The following MPND variants were observed in gnomAD, a reference collection of about 807,000 sequenced individuals.
The protein encoded by MPND is MPN domain containing, also known as MPN domain-containing protein.
Under a neutral mutation model 59.2 loss-of-function variants are expected in MPND, and 56 were observed. That is an observed-to-expected ratio of 0.95 (90% CI 0.76 to 1.18). The LOEUF is 1.18. MPND is among the 50% of genes most tolerant of loss of function. The pLI is 0.00. For missense variants in MPND, 671 were observed against 676.0 expected (o/e 0.99, Z 0.08); for synonymous variants, 323 against 291.9 (o/e 1.11, Z -1.09).
intron 4 of MPND, 23 bp from the exon 5 acceptor site, chr19:4,354,022 G>C (rs753473004): frequency 1.4e-5 from 23 of 1,606,760 alleles, no homozygotes; most frequent in Non-Finnish European, 1.7e-5. Flanking sequence ...GGGAGGGACT[G>C]ACCCTGCCTT....
At chr19:4,356,985 T>C (rs1972451759) in intron 8 of MPND, 1 of 366,844 alleles carries the variant, frequency 2.7e-6, no homozygotes, top group Non-Finnish European at 4.9e-6. Flanking sequence ...CGACCATTAT[T>C]CTGTAAGCTG....
intron 10 of MPND, 65 bp from the exon 11 acceptor site, chr19:4,358,018 T>C (rs1972483189): frequency 7.2e-7 from 1 of 1,380,964 alleles, no homozygotes; most frequent in South Asian, 1.2e-5. Flanking sequence ...GCACTGCCAA[T>C]TGTCCCCAGC....
chr19:4,360,045 G>C lies in MPND; in HGVS notation c.*43G>C, dbSNP rs372060833. 6 of 1,505,950 alleles carry C rather than the reference G, an allele frequency of 4.0e-6. No homozygotes were observed. In the African/African-American group the frequency reaches 7.0e-5, roughly 17 times the overall value. The allele number at this position is 1,505,950 out of a possible 1,614,324, so 93.3% of individuals were successfully genotyped here. A position where few individuals can be genotyped will look rare whatever the true frequency, so the allele number is the denominator to read the frequency against. On this transcript the variant is annotated 3_prime_UTR_variant, in exon 13 of 13. Transcript: ENST00000599840. ...GGGCTCCAGTTGTCTTGAGGGTCCGGATGGGCTCAGGTAATAAAGAAACGG... is the reference window on the plus strand; with the variant it reads ...GGGCTCCAGTTGTCTTGAGGGTCCGCATGGGCTCAGGTAATAAAGAAACGG...
chr19:4,346,084 C>G, intron 3 of MPND, 103 bp downstream of exon 3: 1 of 974,130 alleles, frequency 1.0e-6, no homozygotes, highest in South Asian at 1.6e-5. Flanking sequence ...GTAATATATA[C>G]AAACACGGAT....
rs527494813 is a variant in MPND, at chr19:4,349,423, C to T, written c.531+3442C>T. Among the ~76,000 whole-genome samples the T allele has an allele frequency of 3.6e-4, 54 of 151,984 alleles. 1 individual carries two copies. Among genetic ancestry groups the T allele is most frequent in the African/African-American group, 1.1e-3 (44 of 41,462 alleles). Reference sequence around the variant, plus strand: ...AACTGCCTGTGGAAAGCAGTGGTGGCGGGAGAAGGCGAGTGGGAGGGATGG... The same window carrying T: ...AACTGCCTGTGGAAAGCAGTGGTGGTGGGAGAAGGCGAGTGGGAGGGATGG... On this transcript the variant is annotated intron_variant, in intron 3 of 12. Transcript: ENST00000599840.
At chr19:4,355,213 G>C in intron 8 of MPND, 40 bp downstream of exon 8, 2 of 1,603,558 alleles carry the variant, frequency 1.2e-6, no homozygotes, top group Non-Finnish European at 1.7e-6. Flanking sequence ...GGGGAGGGTT[G>C]GGAAGGGACA....
At chr19:4,356,052 C>G (rs1972432515) in intron 8 of MPND, among the ~76,000 whole-genome samples, 1 of 151,452 alleles carries the variant, frequency 6.6e-6, no homozygotes, top group South Asian at 2.1e-4. Flanking sequence ...CAGGGTTTCA[C>G]CATGTTGGCC....
rs1303212579 is a variant in MPND at position 4,354,103 on chromosome 19, C to G, written c.723C>G (p.Cys241Trp). Residue 241 changes from cysteine (C) to tryptophan (W), a missense_variant, in exon 5 of 13, where the codon TGC (cysteine) becomes TGG (tryptophan). Physicochemically the swap from Cys to Trp is radical, Grantham distance 215. Transcript: ENST00000599840. ...DSKIRVPVRY[C>W]MLGSRDLARN... ...AGATCCGGGTTCCGGTCCGCTACTG[C>G]ATGCTGGGCAGCCGCGACTTGGCCA... 4 of 1,612,720 alleles carry G rather than the reference C, an allele frequency of 2.5e-6. No individual in the cohort carries two copies. The African/African-American group carries it at 5.3e-5, about 22-fold the overall frequency.
In MPND at chr19:4,358,126, C is replaced by A. The variant is rs1200949164; in HGVS notation, c.1280C>A (p.Ala427Asp). 1 of 1,551,490 alleles carries A rather than the reference C, an allele frequency of 6.4e-7. No homozygotes were observed. Among genetic ancestry groups the A allele is most frequent in the African/African-American group, 1.4e-5 (1 of 73,178 alleles). The change falls in exon 11 of 13, where the codon GCC becomes GAC. Residue 427 changes from alanine (A) to aspartate (D), a missense_variant. Transcript: ENST00000599840. ...GGCATCCCCATGGATGTGGAGATGG[C>A]CTACGTCCAGGACAGCTTCCTGACC... ...DYGIPMDVEM[A>D]YVQDSFLTND...
intron 11 of MPND, chr19:4,358,489 T>C (rs910828298): frequency 2.3e-4 from 76 of 336,382 alleles, no homozygotes; most frequent in Non-Finnish European, 3.5e-4. Context: ...TCAACATGCA[T>C]TTAAAACACT....
intron 3 of MPND, among the ~76,000 whole-genome samples, chr19:4,346,934 G>A (rs1030187309): frequency 6.6e-6 from 1 of 151,970 alleles, no homozygotes; most frequent in Admixed American, 6.6e-5. Flanking sequence ...GGAGGCTGAG[G>A]CAGGAGAATC....
At chr19:4,353,114 C>T (rs1284362439) in intron 4 of MPND, 85 bp downstream of exon 4, 45 of 1,130,168 alleles carry the variant, frequency 4.0e-5, no homozygotes, top group Non-Finnish European at 5.0e-5. Flanking sequence ...GGGCCTTGAT[C>T]TTCTCCTAGG....
At chr19:4,346,562 G>A (rs1042836955) in intron 3 of MPND, among the ~76,000 whole-genome samples, 2 of 151,804 alleles carry the variant, frequency 1.3e-5, no homozygotes, top group Admixed American at 6.6e-5. Context: ...GACTACAGAC[G>A]CATGCCACCA....
chr19:4,343,629 C>A, intron 1 of MPND, 29 bp downstream of exon 1: 3 of 1,188,440 alleles, frequency 2.5e-6, no homozygotes, highest in Non-Finnish European at 3.1e-6. Flanking sequence ...GGCGGAGGCG[C>A]GGGGCGCGGG....
chr19:4,358,377 C>A, intron 11 of MPND: 2 of 582,664 alleles, frequency 3.4e-6, no homozygotes, highest in South Asian at 4.1e-5. Context: ...CACCTCCCCA[C>A]CTGCTGTTCT....
intron 4 of MPND, 149 bp downstream of exon 4, chr19:4,353,178 C>T (rs998848451): frequency 1.7e-5 from 9 of 524,690 alleles, no homozygotes; most frequent in African/African-American, 9.9e-5. Context: ...TGGAGCCGGA[C>T]GAGGCCTGGG....
chr19:4,350,084 T>TG (rs574324937), intron 3 of MPND, among the ~76,000 whole-genome samples: 24 of 101,934 alleles, frequency 2.4e-4, no homozygotes, highest in Middle Eastern at 4.5e-3. Flanking sequence ...AGAAGGTGGT[T>TG]GGGGGGGCTT....
intron 3 of MPND, among the ~76,000 whole-genome samples, chr19:4,349,351 C>T (rs923573645): frequency 7.9e-5 from 12 of 152,038 alleles, no homozygotes; most frequent in South Asian, 4.1e-4. Context: ...GCAGGGATTA[C>T]AGGCATGAGC....
intron 2 of MPND, among the ~76,000 whole-genome samples, chr19:4,344,996 C>T (rs113192466): frequency 0.027 from 3,892 of 146,262 alleles, 134 homozygotes; most frequent in African/African-American, 0.079. Flanking sequence ...CCTGCCTCAG[C>T]TCCCAAAGTG....
Sources: allele counts gnomAD v4.1 joint callset (sites outside exome capture counted in the v4.1 genomes callset), GRCh38; gene constraint gnomAD v4.1.1; transcripts MANE v1.5; gene names NCBI Gene and HGNC (gene_info 2026-07-23, HGNC 2026-07-21).